CTNNA3: variants seen among roughly 807,000 people sequenced by gnomAD.
CTNNA3 encodes the protein catenin alpha 3.
CTNNA3 carries 76 observed loss-of-function variants against 95.7 expected under a neutral mutation model. The ratio of observed to expected loss-of-function variants is 0.79; its 90% CI spans 0.66 to 0.96. The LOEUF is 0.96. CTNNA3 is among the 40% of genes least tolerant of loss of function. The probability of loss-of-function intolerance (pLI) is 0.00; values close to 1 mark genes in which losing one functional copy is unlikely to be tolerated. For synonymous variants in CTNNA3, 431 were observed against 374.4 expected, an observed-to-expected ratio of 1.15 and a Z score of -1.74; for missense variants, 1,191 against 1,089.8, an observed-to-expected ratio of 1.09 and a Z score of -1.31.
At chr10:66,582,504 C>T (rs969946601) in intron 10 of CTNNA3, among the ~76,000 whole-genome samples, 4 of 151,652 alleles carry the variant, frequency 2.6e-5, no homozygotes, top group Non-Finnish European at 5.9e-5. Flanking sequence ...TGAGATTTTG[C>T]TGAATTCATT....
At chr10:66,396,745 CAAAGAAATTCCATTTCTAAT>C (rs1357818258) in intron 11 of CTNNA3, among the ~76,000 whole-genome samples, 9 of 151,858 alleles carry the variant, frequency 5.9e-5, no homozygotes. Flanking sequence ...TTACCATCCT[CAAAGAAATTCCATTTCTAAT>C]AAAGAAGATG....
At chr10:67,181,943 G>A (rs993570868) in intron 6 of CTNNA3, among the ~76,000 whole-genome samples, 3 of 152,036 alleles carry the variant, frequency 2.0e-5, no homozygotes, top group African/African-American at 7.2e-5. Context: ...ATTCACAATT[G>A]CTACAAAGAG....
chr10:67,266,313 C>T (rs1171840462), intron 5 of CTNNA3, among the ~76,000 whole-genome samples: 1 of 151,820 alleles, frequency 6.6e-6, no homozygotes, highest in Non-Finnish European at 1.5e-5. Context: ...TATGTTCTAC[C>T]CCTCTCAGAG....
chr10:66,240,823 T>C (rs764997435), intron 13 of CTNNA3, among the ~76,000 whole-genome samples: 12 of 151,852 alleles, frequency 7.9e-5, no homozygotes, highest in Admixed American at 1.3e-4. Flanking sequence ...GTGGTAAGAG[T>C]AATCTAAGCA....
chr10:67,142,762 C>T (rs1211643393), intron 7 of CTNNA3, among the ~76,000 whole-genome samples: 3 of 152,046 alleles, frequency 2.0e-5, no homozygotes, highest in Admixed American at 2.0e-4. Flanking sequence ...TGAAACCCCG[C>T]CTCTAGTAAG....
intron 10 of CTNNA3, among the ~76,000 whole-genome samples, chr10:66,527,799 A>G (rs1373758140): frequency 6.6e-6 from 1 of 152,094 alleles, no homozygotes; most frequent in Admixed American, 6.6e-5. Flanking sequence ...ATTCTACTGA[A>G]TTCTGTTATT....
chr10:66,173,402 G>C lies in CTNNA3; in HGVS notation c.1885-70153C>G, dbSNP rs75225580. On this transcript the variant is annotated intron_variant, in intron 13 of 17. Coordinates refer to ENST00000433211, the MANE Select transcript of CTNNA3 (RefSeq NM_013266.4). ...AACAAGGATTTAAATGGAAGATTTA[G>C]TATTTAATGTGGTAACAAAGAATAT... Among the ~76,000 whole-genome samples, 171 of 152,260 alleles carry C rather than the reference G, an allele frequency of 1.1e-3. 3 individuals carry two copies. In the East Asian group the frequency reaches 0.032, roughly 29 times the overall value.
intron 1 of CTNNA3, among the ~76,000 whole-genome samples, chr10:67,657,753 A>G (rs559799561): frequency 2.8e-4 from 41 of 148,394 alleles, no homozygotes; most frequent in African/African-American, 1.0e-3. Context: ...AGGCTGAGGC[A>G]GGAGAATCAC....
intron 5 of CTNNA3, among the ~76,000 whole-genome samples, chr10:67,482,781 C>A (rs185356822): frequency 0.01 from 1,531 of 152,230 alleles, 9 homozygotes; most frequent in Middle Eastern, 0.024. Context: ...ATTTCCAACA[C>A]TATATTGAAT....
At chr10:67,750,145 A>G in intron 1 of CTNNA3, 1 of 834,756 alleles carries the variant, frequency 1.2e-6, no homozygotes, top group Non-Finnish European at 1.9e-6. Context: ...CATCTTTAAG[A>G]GCTGTAACAG....
chr10:66,386,445 A>T (rs112762887), intron 11 of CTNNA3, among the ~76,000 whole-genome samples: 2,790 of 152,292 alleles, frequency 0.018, 84 homozygotes, highest in African/African-American at 0.064. Flanking sequence ...GAAATAAAAG[A>T]GGACACAAAT....
chr10:66,920,426 C>T (rs1318644588), intron 7 of CTNNA3, among the ~76,000 whole-genome samples: 1 of 152,176 alleles, frequency 6.6e-6, no homozygotes, highest in African/African-American at 2.4e-5. Context: ...AGTCTTTATG[C>T]AATCTCGCAT....
At chr10:67,183,289 C>A (rs990956115) in intron 6 of CTNNA3, among the ~76,000 whole-genome samples, 7 of 152,144 alleles carry the variant, frequency 4.6e-5, no homozygotes, top group Admixed American at 4.6e-4. Context: ...GGAACCAACC[C>A]AAATGTCCAA....
intron 7 of CTNNA3, among the ~76,000 whole-genome samples, chr10:66,953,626 T>C (rs1848648657): frequency 1.3e-5 from 2 of 152,182 alleles, no homozygotes; most frequent in Non-Finnish European, 2.9e-5. Flanking sequence ...CATTACCTTA[T>C]AAAAATAATA....
rs547437065 is a variant in CTNNA3 at position 66,714,863 on chromosome 10, G to T, written c.1281+51401C>A. ...TTTGCTTGCTTAAAACTTCTTTAAT[G>T]AGTCTCTTCTGAAGGATAAAAGCCA... On this transcript the variant is annotated intron_variant, in intron 9 of 17. Transcript: ENST00000433211. Among the ~76,000 whole-genome samples the T allele has an allele frequency of 2.4e-4, 36 of 152,236 alleles. No homozygotes were observed. In the South Asian group the frequency reaches 7.0e-3, roughly 30 times the overall value.
At chr10:67,346,054 T>G (rs532188690) in intron 5 of CTNNA3, among the ~76,000 whole-genome samples, 57 of 152,164 alleles carry the variant, frequency 3.7e-4, no homozygotes, top group Non-Finnish European at 7.2e-4. Context: ...TATAACCTAT[T>G]ATTTTAGCCT....
At chr10:66,508,212 T>G (rs1840527475) in intron 11 of CTNNA3, among the ~76,000 whole-genome samples, 1 of 130,468 alleles carries the variant, frequency 7.7e-6, no homozygotes, top group Non-Finnish European at 1.8e-5. Flanking sequence ...TGTTTTCTGT[T>G]TTTTTTTTTT....
At chr10:67,233,131 G>A (rs556596200) in intron 5 of CTNNA3, among the ~76,000 whole-genome samples, 4 of 152,226 alleles carry the variant, frequency 2.6e-5, no homozygotes, top group African/African-American at 9.6e-5. Flanking sequence ...AGATATCCAG[G>A]AATTGAACTC....
chr10:67,343,171 G>A lies in CTNNA3; in HGVS notation c.580-123301C>T, dbSNP rs533703028. ...TCACCATGTTGGCCAGGCTGGTCTC[G>A]AACTCCTGACCTCAAGTGATCTGCC... On this transcript the variant is annotated intron_variant, in intron 5 of 17. Coordinates refer to ENST00000433211, the MANE Select transcript of CTNNA3 (RefSeq NM_013266.4). Among the ~76,000 whole-genome samples, 9 of 152,160 alleles carry A rather than the reference G, an allele frequency of 5.9e-5. No individual in the cohort carries two copies. The South Asian group carries it at 1.0e-3, about 18-fold the overall frequency.
Sources: gnomAD v4.1 joint callset for allele counts (sites outside exome capture counted in the v4.1 genomes callset) on GRCh38, gnomAD v4.1.1 for gene constraint, MANE v1.5 for transcripts, NCBI Gene and HGNC (gene_info 2026-07-23, HGNC 2026-07-21) for gene names.